FBN2: variants seen among roughly 807,000 people sequenced by gnomAD.
FBN2 encodes the protein fibrillin-2.
A neutral mutation model predicts 355.6 loss-of-function variants in FBN2; 105 were observed. The ratio of observed to expected loss-of-function variants is 0.30; its 90% CI spans 0.25 to 0.35. The LOEUF is 0.35. Among genes scored for constraint, FBN2 ranks in the 10% least tolerant of loss-of-function variants. The pLI is 1.00. For synonymous variants in FBN2, 1,350 were observed against 1,301.2 expected, an observed-to-expected ratio of 1.04 and a Z score of -0.81; for missense variants, 3,280 against 3,758.7, an observed-to-expected ratio of 0.87 and a Z score of 3.33.
At chr5:128,324,846 C>T (rs1347058922) in intron 34 of FBN2, among the ~76,000 whole-genome samples, 3 of 152,182 alleles carry the variant, frequency 2.0e-5, no homozygotes, top group African/African-American at 2.4e-5. Flanking sequence ...ATCTTGATCA[C>T]CTGACCTCAT....
intron 6 of FBN2, 128 bp downstream of exon 6, chr5:128,464,596 G>A: frequency 1.0e-6 from 1 of 969,798 alleles, no homozygotes; most frequent in Non-Finnish European, 1.6e-6. Flanking sequence ...GGTCAGGGTT[G>A]TTAACGAGGC....
At chr5:128,261,036 C>A (rs913917590) in intron 64 of FBN2, among the ~76,000 whole-genome samples, 1 of 152,158 alleles carries the variant, frequency 6.6e-6, no homozygotes, top group African/African-American at 2.4e-5. Flanking sequence ...TCAATTAACC[C>A]TTCCATCAGC....
rs1176155265 is a variant in FBN2, at chr5:128,433,435, T to C, written c.952+13046A>G. Among the ~76,000 whole-genome samples, 7 of 152,220 alleles carry C rather than the reference T, an allele frequency of 4.6e-5. No individual in the cohort carries two copies. The East Asian group carries it at 1.2e-3, about 25-fold the overall frequency. Reference sequence around the variant, plus strand: ...ATTTTGCAACATAAGAGGTTTTTACTATAATCCTTAAAACAGGTAAGAACA... The same window carrying C: ...ATTTTGCAACATAAGAGGTTTTTACCATAATCCTTAAAACAGGTAAGAACA... On this transcript the variant is annotated intron_variant, in intron 7 of 64. Coordinates refer to ENST00000262464, the MANE Select transcript of FBN2 (RefSeq NM_001999.4).
intron 25 of FBN2, among the ~76,000 whole-genome samples, chr5:128,342,953 C>A (rs1751066833): frequency 1.3e-5 from 2 of 152,186 alleles, no homozygotes; most frequent in South Asian, 2.1e-4. Context: ...GTCTCAAACT[C>A]CTGACCCCAG....
rs35768962 is a variant in FBN2, at chr5:128,444,054, C to CTTTT, written c.952+2423_952+2426dup. ...TTTATATAAGCAAATATCACTTGTT[C>CTTTT]TTTTTTTTTTTTTTTTTTTTTTTTT... is the stretch of plus-strand genomic sequence containing the variant. On this transcript the variant is annotated intron_variant, in intron 7 of 64. Coordinates refer to ENST00000262464, the MANE Select transcript of FBN2 (RefSeq NM_001999.4). Among the ~76,000 whole-genome samples the CTTTT allele has an allele frequency of 2.3e-3, 150 of 65,610 alleles. 18 individuals are homozygous for CTTTT. Among genetic ancestry groups the CTTTT allele is most frequent in the African/African-American group, 5.7e-3 (93 of 16,192 alleles). 43.0% of individuals were successfully genotyped at this position (65,610 alleles called of 152,430 possible). A position where few individuals can be genotyped will look rare whatever the true frequency, so the allele number is the denominator to read the frequency against.
chr5:128,487,652 C>T (rs1489470894), intron 5 of FBN2, among the ~76,000 whole-genome samples: 5 of 151,788 alleles, frequency 3.3e-5, no homozygotes, highest in African/African-American at 1.2e-4. Flanking sequence ...ATGAGAGCTT[C>T]TTAGTAAATT....
chr5:128,389,231 G>A (rs111965629), intron 11 of FBN2, among the ~76,000 whole-genome samples: 2 of 152,174 alleles, frequency 1.3e-5, no homozygotes, highest in African/African-American at 4.8e-5. Context: ...GGGTGATGAG[G>A]CCTATGTGCA....
At chr5:128,322,876 C>CAA (rs1750422522) in intron 34 of FBN2, among the ~76,000 whole-genome samples, 1 of 152,206 alleles carries the variant, frequency 6.6e-6, no homozygotes, top group South Asian at 2.1e-4. Flanking sequence ...GGGCCATTTT[C>CAA]ATGATACTGA....
chr5:128,444,161 C>T (rs978998728), intron 7 of FBN2, among the ~76,000 whole-genome samples: 3 of 150,446 alleles, frequency 2.0e-5, no homozygotes. Flanking sequence ...CAAGCTCCGC[C>T]TCCTGGGTTC....
intron 8 of FBN2, among the ~76,000 whole-genome samples, chr5:128,399,571 G>A (rs751924676): frequency 1.3e-5 from 2 of 151,966 alleles, no homozygotes; most frequent in Non-Finnish European, 2.9e-5. Context: ...GAAATGATGA[G>A]CAAAAAATAT....
intron 64 of FBN2, among the ~76,000 whole-genome samples, chr5:128,260,236 G>C (rs901788522): frequency 3.3e-5 from 5 of 151,940 alleles, no homozygotes; most frequent in Non-Finnish European, 7.4e-5. Context: ...CTGCTGTTGG[G>C]CATCAGCAGG....
At chr5:128,351,098 A>G in intron 20 of FBN2, 93 bp from the exon 21 acceptor site, 1 of 1,473,460 alleles carries the variant, frequency 6.8e-7, no homozygotes, top group South Asian at 1.1e-5. Flanking sequence ...CAGTATTCTA[A>G]AAAAGAAAGA....
At chr5:128,261,681 T>C in intron 64 of FBN2, 55 bp downstream of exon 64, 5 of 1,549,752 alleles carry the variant, frequency 3.2e-6, no homozygotes, top group Non-Finnish European at 4.5e-6. Context: ...CTGCACTGTA[T>C]ACATGACTCC....
At chr5:128,339,814 C>T (rs778387111) in intron 25 of FBN2, among the ~76,000 whole-genome samples, 7 of 152,094 alleles carry the variant, frequency 4.6e-5, no homozygotes, top group Non-Finnish European at 8.8e-5. Context: ...TGGCAAACCC[C>T]AGAGAGACAG....
intron 50 of FBN2, among the ~76,000 whole-genome samples, chr5:128,290,341 C>T (rs572776067): frequency 6.6e-6 from 1 of 152,304 alleles, no homozygotes; most frequent in African/African-American, 2.4e-5. Context: ...ATTGTGCTGA[C>T]TCAGCTTCTC....
chr5:128,524,698 A>C (rs1323946621), intron 4 of FBN2, among the ~76,000 whole-genome samples: 1 of 152,166 alleles, frequency 6.6e-6, no homozygotes. Context: ...CTTGGAAAAC[A>C]TCTTCCTTAC....
At chr5:128,317,051 C>G (rs1047718000) in intron 36 of FBN2, among the ~76,000 whole-genome samples, 1 of 152,156 alleles carries the variant, frequency 6.6e-6, no homozygotes, top group Non-Finnish European at 1.5e-5. Flanking sequence ...TGTGCTGTGT[C>G]TCTAACGCCA....
Position 128,335,240 on chromosome 5 carries a change from G to A in FBN2, c.3903C>T (p.Asn1301=). The A allele has an allele frequency of 6.2e-7, 1 of 1,614,136 alleles. No homozygotes were observed. Among genetic ancestry groups the A allele is most frequent in the East Asian group, 2.2e-5 (1 of 44,870 alleles). The change falls in exon 30 of 65, where the codon AAC becomes AAT. Residue 1301 remains asparagine (N), a synonymous_variant. Transcript: ENST00000262464. The part of the protein sequence containing the change: ...PDICDGGQCT[N]IPGEYRCLCY... Reference sequence around the variant, plus strand: ...AGAGGCAGCGATACTCTCCAGGAATGTTGGTACACTGGCCGCCATCACAGA... The same window carrying A: ...AGAGGCAGCGATACTCTCCAGGAATATTGGTACACTGGCCGCCATCACAGA...
At chr5:128,475,138 C>T (rs529174067) in intron 5 of FBN2, among the ~76,000 whole-genome samples, 2 of 152,116 alleles carry the variant, frequency 1.3e-5, no homozygotes, top group Non-Finnish European at 2.9e-5. Flanking sequence ...CCATGCCTGT[C>T]TTTTATACAT....
Sources: allele counts gnomAD v4.1 joint callset (sites outside exome capture counted in the v4.1 genomes callset), GRCh38; gene constraint gnomAD v4.1.1; transcripts MANE v1.5; gene names NCBI Gene and HGNC (gene_info 2026-07-23, HGNC 2026-07-21).